The following MSRA variants were observed in gnomAD, a reference collection of about 807,000 sequenced individuals.
MSRA encodes methionine sulfoxide reductase A, also known as mitochondrial peptide methionine sulfoxide reductase.
Under a neutral mutation model 31.3 loss-of-function variants are expected in MSRA, and 54 were observed. The ratio of observed to expected loss-of-function variants is 1.73; its 90% CI spans 1.39 to 2.17. MSRA has a LOEUF of 2.17. Ranked by LOEUF, MSRA falls within the 30% of genes most tolerant of loss-of-function variation. MSRA has a pLI of 0.00. For synonymous variants in MSRA, 169 were observed against 116.5 expected, an observed-to-expected ratio of 1.45 and a Z score of -2.90; for missense variants, 507 against 300.9, an observed-to-expected ratio of 1.69 and a Z score of -5.07.
At chr8:10,107,726 G>C (rs561207928) in intron 1 of MSRA, among the ~76,000 whole-genome samples, 1 of 152,268 alleles carries the variant, frequency 6.6e-6, no homozygotes, top group African/African-American at 2.4e-5. Flanking sequence ...CTCCTTCTGA[G>C]AGCTTGTTAT....
chr8:10,424,148 A>G (rs1368202615), intron 5 of MSRA, among the ~76,000 whole-genome samples: 2 of 152,254 alleles, frequency 1.3e-5, no homozygotes, highest in African/African-American at 2.4e-5. Context: ...CTGGGTCCTC[A>G]GAGATGGATA....
In MSRA at chr8:10,054,480, C is replaced by A; in HGVS notation, c.-37C>A. ...GGCTGCGGCTCCGCTGCCGGTAGCGCCGTCCCCCGGGACCACCCTTCGGCT... is the reference window on the plus strand; with the variant it reads ...GGCTGCGGCTCCGCTGCCGGTAGCGACGTCCCCCGGGACCACCCTTCGGCT... On this transcript the variant is annotated 5_prime_UTR_variant, in exon 1 of 6. Transcript: ENST00000317173. 1 of 1,546,142 alleles carries A rather than the reference C, an allele frequency of 6.5e-7. No individual in the cohort carries two copies. The highest frequency in any genetic ancestry group is 8.7e-7 in the Non-Finnish European group (1 of 1,147,016).
At chr8:10,062,101 C>A (rs368763297) in intron 1 of MSRA, among the ~76,000 whole-genome samples, 1 of 152,132 alleles carries the variant, frequency 6.6e-6, no homozygotes, top group Non-Finnish European at 1.5e-5. Flanking sequence ...GGTGAGTGGC[C>A]GCCAGGCCCT....
intron 5 of MSRA, among the ~76,000 whole-genome samples, chr8:10,380,800 G>A (rs540651711): frequency 6.6e-6 from 1 of 152,128 alleles, no homozygotes; most frequent in African/African-American, 2.4e-5. Context: ...ACAGATGGGT[G>A]GATGGATGGA....
intron 5 of MSRA, among the ~76,000 whole-genome samples, chr8:10,390,453 T>G (rs879731443): frequency 6.6e-6 from 1 of 152,168 alleles, no homozygotes; most frequent in Non-Finnish European, 1.5e-5. Flanking sequence ...ACTTGCCTCT[T>G]AGTCTTCCTC....
intron 1 of MSRA, among the ~76,000 whole-genome samples, chr8:10,084,269 C>T (rs947023697): frequency 3.3e-5 from 5 of 152,240 alleles, no homozygotes; most frequent in African/African-American, 9.6e-5. Context: ...TAGCCTCTTT[C>T]TTTAAGGTTT....
At position 10,244,950 on chromosome 8, in the gene MSRA, C is replaced by T. The variant is rs112683422; in HGVS notation, c.212-154C>T. Among the ~76,000 whole-genome samples, 659 of 152,094 alleles carry T rather than the reference C, an allele frequency of 4.3e-3. 2 individuals are homozygous for T. The highest frequency in any genetic ancestry group is 6.8e-3 in the Non-Finnish European group (464 of 67,992). ...ATTATTTACCAATGTTAAGAACTCT[C>T]CTTCTTTAAAAGATAAAATCTTAGT... On this transcript the variant is annotated intron_variant, in intron 2 of 5. Transcript: ENST00000317173.
intron 5 of MSRA, among the ~76,000 whole-genome samples, chr8:10,390,987 A>AG (rs1349781650): frequency 2.0e-5 from 3 of 151,728 alleles, no homozygotes; most frequent in Non-Finnish European, 4.4e-5. Flanking sequence ...AAGAAAAAAA[A>AG]AAAAAACAGC....
intron 5 of MSRA, among the ~76,000 whole-genome samples, chr8:10,324,523 T>C (rs576307649): frequency 6.6e-6 from 1 of 152,310 alleles, no homozygotes; most frequent in African/African-American, 2.4e-5. Flanking sequence ...GACCACAGCA[T>C]GAGGGTCAAG....
intron 5 of MSRA, among the ~76,000 whole-genome samples, chr8:10,405,482 A>C (rs986220401): frequency 7.2e-5 from 11 of 152,240 alleles, no homozygotes; most frequent in Non-Finnish European, 1.6e-4. Context: ...GAGAGAGAAT[A>C]AAATGTGAGT....
At chr8:10,279,568 A>G (rs1799508177) in intron 3 of MSRA, among the ~76,000 whole-genome samples, 1 of 152,110 alleles carries the variant, frequency 6.6e-6, no homozygotes. Context: ...CCGTTATATC[A>G]AAAACTTTTT....
chr8:10,385,740 CAT>C (rs1305018548), intron 5 of MSRA, among the ~76,000 whole-genome samples: 1 of 149,082 alleles, frequency 6.7e-6, no homozygotes, highest in Non-Finnish European at 1.5e-5. Flanking sequence ...CTACCGGTGT[CAT>C]AGCCACATTT....
At chr8:10,193,963 C>T in intron 1 of MSRA, among the ~76,000 whole-genome samples, 1 of 151,960 alleles carries the variant, frequency 6.6e-6, no homozygotes, top group East Asian at 1.9e-4. Flanking sequence ...TATAACATTC[C>T]AACAGCTTTT....
intron 5 of MSRA, among the ~76,000 whole-genome samples, chr8:10,421,602 T>G (rs1222393179): frequency 6.6e-6 from 1 of 152,112 alleles, no homozygotes; most frequent in Non-Finnish European, 1.5e-5. Context: ...GTCAGCAGAA[T>G]GATCACATGT....
chr8:10,073,765 A>G (rs1797854804), intron 1 of MSRA, among the ~76,000 whole-genome samples: 1 of 152,076 alleles, frequency 6.6e-6, no homozygotes, highest in African/African-American at 2.4e-5. Context: ...ATTTCTATCA[A>G]CGGTAGCATT....
chr8:10,425,995 A>G (rs2129198357), intron 5 of MSRA, among the ~76,000 whole-genome samples: 1 of 152,206 alleles, frequency 6.6e-6, no homozygotes, highest in African/African-American at 2.4e-5. Flanking sequence ...CCCCCCACAG[A>G]CGTCGTCCTT....
chr8:10,188,682 A>G (rs1188755566), intron 1 of MSRA, among the ~76,000 whole-genome samples: 1 of 152,178 alleles, frequency 6.6e-6, no homozygotes. Flanking sequence ...TGATTGAATT[A>G]TCTCAGCACC....
At position 10,136,265 on chromosome 8, in the gene MSRA, G is replaced by A. The variant is rs955142710; in HGVS notation, c.143-71568G>A. Among the ~76,000 whole-genome samples the A allele has an allele frequency of 3.3e-5, 5 of 152,190 alleles. No individual in the cohort carries two copies. In the South Asian group the frequency reaches 8.3e-4, roughly 25 times the overall value. On this transcript the variant is annotated intron_variant, in intron 1 of 5. Transcript: ENST00000317173. ...AGGCATTCAGCCACATGGTAGAGGA[G>A]GGCGTCCTTATCTATCTCAACTAGC...
chr8:10,070,755 A>G (rs1189620157), intron 1 of MSRA, among the ~76,000 whole-genome samples: 2 of 152,214 alleles, frequency 1.3e-5, no homozygotes, highest in Admixed American at 6.5e-5. Context: ...GTCATATAGT[A>G]TGTAACCTCT....
Sources: gnomAD v4.1 joint callset for allele counts (sites outside exome capture counted in the v4.1 genomes callset) on GRCh38, gnomAD v4.1.1 for gene constraint, MANE v1.5 for transcripts, NCBI Gene and HGNC (gene_info 2026-07-23, HGNC 2026-07-21) for gene names.